ARHGAP44: variants seen among roughly 807,000 people sequenced by gnomAD.
ARHGAP44 encodes Rho GTPase activating protein 44.
In ARHGAP44, 43 loss-of-function variants were observed where a neutral mutation model predicts 106.8. The ratio of observed to expected loss-of-function variants is 0.40; its 90% CI spans 0.32 to 0.52. The LOEUF is 0.52. Among genes scored for constraint, ARHGAP44 ranks in the 20% least tolerant of loss-of-function variants. The pLI is 0.48. For missense variants in ARHGAP44, 866 were observed against 1,050.5 expected (o/e 0.82, Z 2.43); for synonymous variants, 439 against 410.3 (o/e 1.07, Z -0.85).
chr17:12,961,769 C>T (rs966658673), intron 16 of ARHGAP44, among the ~76,000 whole-genome samples: 17 of 152,060 alleles, frequency 1.1e-4, no homozygotes, highest in African/African-American at 3.1e-4. Context: ...AAGGTCTTAC[C>T]GGTTTAGGGT....
At chr17:12,815,994 G>T (rs897633731) in intron 1 of ARHGAP44, among the ~76,000 whole-genome samples, 2 of 152,156 alleles carry the variant, frequency 1.3e-5, no homozygotes, top group African/African-American at 4.8e-5. Flanking sequence ...TAGTGGGGCT[G>T]TGGAAGCTGA....
intron 7 of ARHGAP44, among the ~76,000 whole-genome samples, chr17:12,931,143 C>T (rs1333399109): frequency 6.6e-6 from 1 of 152,142 alleles, no homozygotes; most frequent in Non-Finnish European, 1.5e-5. Context: ...GTGATCTCGG[C>T]TCATTGCAAC....
intron 19 of ARHGAP44, among the ~76,000 whole-genome samples, chr17:12,981,500 C>T (rs77164238): frequency 3.9e-5 from 6 of 151,914 alleles, no homozygotes; most frequent in South Asian, 2.1e-4. Context: ...TGGGTTCAAG[C>T]GATTCTCCTG....
intron 1 of ARHGAP44, among the ~76,000 whole-genome samples, chr17:12,806,679 T>C (rs2034283701): frequency 6.6e-6 from 1 of 152,234 alleles, no homozygotes. Flanking sequence ...GCTCTATCAC[T>C]TGCTAGTTGT....
intron 1 of ARHGAP44, among the ~76,000 whole-genome samples, chr17:12,839,003 G>A (rs1026915685): frequency 5.9e-5 from 9 of 151,968 alleles, no homozygotes; most frequent in Non-Finnish European, 8.8e-5. Flanking sequence ...CACTGTGCCC[G>A]GCCCAATTTT....
At chr17:12,816,564 A>G (rs1694710663) in intron 1 of ARHGAP44, among the ~76,000 whole-genome samples, 1 of 150,884 alleles carries the variant, frequency 6.6e-6, no homozygotes, top group Admixed American at 6.6e-5. Flanking sequence ...AATTAGAATT[A>G]TTAAGAGTTT....
At chr17:12,979,997 GC>G in intron 18 of ARHGAP44, 60 bp from the exon 19 acceptor site, 1 of 1,506,608 alleles carries the variant, frequency 6.6e-7, no homozygotes, top group East Asian at 2.3e-5. Flanking sequence ...CATCGGCAAG[GC>G]TGGTGCTGCC....
At chr17:12,828,294 A>G (rs1163281170) in intron 1 of ARHGAP44, among the ~76,000 whole-genome samples, 1 of 152,042 alleles carries the variant, frequency 6.6e-6, no homozygotes, top group Admixed American at 6.6e-5. Flanking sequence ...TGAATATCCT[A>G]CAGTTTTCCT....
Position 12,990,277 on chromosome 17 carries a change from C to T in ARHGAP44, c.*106C>T. The T allele has an allele frequency of 1.4e-6, 2 of 1,398,524 alleles. No homozygotes were observed. Among genetic ancestry groups the T allele is most frequent in the Admixed American group, 2.3e-5 (1 of 43,310 alleles). 86.6% of individuals were successfully genotyped at this position (1,398,524 alleles called of 1,614,324 possible). A position where few individuals can be genotyped will look rare whatever the true frequency, so the allele number is the denominator to read the frequency against. ...GCCAAGTGTTCTCTGCTGGCTCTTT[C>T]CTGCCACTGCCAACACGAGGTTGGA... On this transcript the variant is annotated 3_prime_UTR_variant, in exon 21 of 21. Transcript: ENST00000379672.
intron 19 of ARHGAP44, chr17:12,982,690 C>G (rs577873281): frequency 6.6e-6 from 1 of 152,222 alleles, no homozygotes; most frequent in Non-Finnish European, 1.5e-5. Flanking sequence ...TATTACACTG[C>G]TGCAGAGAAA....
At chr17:12,806,674 A>G (rs762253718) in intron 1 of ARHGAP44, among the ~76,000 whole-genome samples, 2 of 152,240 alleles carry the variant, frequency 1.3e-5, no homozygotes, top group Non-Finnish European at 2.9e-5. Context: ...TTTTGGCTCT[A>G]TCACTTGCTA....
At chr17:12,841,103 T>C (rs2035377615) in intron 1 of ARHGAP44, among the ~76,000 whole-genome samples, 1 of 152,118 alleles carries the variant, frequency 6.6e-6, no homozygotes, top group South Asian at 2.1e-4. Context: ...ACTGTGCAAA[T>C]ATATAATAAC....
At chr17:12,941,436 G>C (rs1246063283) in intron 8 of ARHGAP44, among the ~76,000 whole-genome samples, 1 of 152,076 alleles carries the variant, frequency 6.6e-6, no homozygotes, top group Non-Finnish European at 1.5e-5. Flanking sequence ...AGTTGTGGAG[G>C]GAGGTGCTAC....
rs772058409 is a variant in ARHGAP44, at chr17:12,990,088, C to G, written c.2374C>G (p.Leu792Val). 1 of 1,613,214 alleles carries G rather than the reference C, an allele frequency of 6.2e-7. No individual in the cohort carries two copies. The highest frequency in any genetic ancestry group is 8.5e-7 in the Non-Finnish European group (1 of 1,179,438). The change falls in exon 21 of 21, where the codon CTG becomes GTG. Residue 792 changes from leucine (L) to valine (V), a missense_variant. Physicochemically the swap from Leu to Val is conservative, Grantham distance 32. Transcript: ENST00000379672. ...IHIELGSTLR[L>V]SPLEHMRRHS... ...CATAGAGCTCGGGTCGACGCTCCGC[C>G]TGAGTCCCCTGGAGCACATGCGGCG...
chr17:12,813,165 C>A (rs1258554408), intron 1 of ARHGAP44, among the ~76,000 whole-genome samples: 6 of 152,148 alleles, frequency 3.9e-5, no homozygotes, highest in African/African-American at 1.4e-4. Flanking sequence ...AATCTCCTGC[C>A]CTGGGTGGGA....
intron 1 of ARHGAP44, among the ~76,000 whole-genome samples, chr17:12,878,488 C>G (rs1430362679): frequency 6.6e-6 from 1 of 152,168 alleles, no homozygotes; most frequent in African/African-American, 2.4e-5. Flanking sequence ...ATCTACACAG[C>G]GCCTGTCATC....
chr17:12,802,556 G>T (rs937534644), intron 1 of ARHGAP44, among the ~76,000 whole-genome samples: 14 of 152,176 alleles, frequency 9.2e-5, no homozygotes, highest in African/African-American at 3.4e-4. Flanking sequence ...CAGCAGTGAG[G>T]AGAGGCAGAG....
At chr17:12,903,132 AGAGAGAGAGTGTGTGTGTGTGTGTGT>A (rs1567677779) in intron 3 of ARHGAP44, among the ~76,000 whole-genome samples, 142 of 125,886 alleles carry the variant, frequency 1.1e-3, no homozygotes, top group African/African-American at 3.4e-3. Context: ...GAGAGGAGAG[AGAGAGAGAGTGTGTGTGTGTGTGTGT>A]GTGTGTGTGT....
chr17:12,973,634 T>C (rs903961483), intron 17 of ARHGAP44: 1 of 507,146 alleles, frequency 2.0e-6, no homozygotes, highest in African/African-American at 2.0e-5. Context: ...TGTCTCCTGC[T>C]GTCAGTTCCA....
Sources: allele counts gnomAD v4.1 joint callset (sites outside exome capture counted in the v4.1 genomes callset), GRCh38; gene constraint gnomAD v4.1.1; transcripts MANE v1.5; gene names NCBI Gene and HGNC (gene_info 2026-07-23, HGNC 2026-07-21).